The following RBM28 variants were observed in gnomAD, a reference collection of about 807,000 sequenced individuals.
The protein encoded by RBM28 is RNA-binding protein 28.
Under a neutral mutation model 98.3 loss-of-function variants are expected in RBM28, and 78 were observed. The ratio of observed to expected loss-of-function variants is 0.79; its 90% CI spans 0.66 to 0.96. RBM28 has a LOEUF of 0.96. Ranked by LOEUF, RBM28 falls within the 40% of genes least tolerant of loss-of-function variation. The pLI, the probability that RBM28 is intolerant of heterozygous loss-of-function variation, is 0.00. For synonymous variants in RBM28, 306 were observed against 330.9 expected (o/e 0.92, Z 0.82); for missense variants, 838 against 913.0 (o/e 0.92, Z 1.06).
chr7:128,332,459 T>C (rs1274725447), intron 9 of RBM28, among the ~76,000 whole-genome samples: 1 of 152,054 alleles, frequency 6.6e-6, no homozygotes, highest in Non-Finnish European at 1.5e-5. Flanking sequence ...TTTTAAGTGA[T>C]TCTCGTGCCT....
chr7:128,312,188 G>A (rs1442075519), intron 18 of RBM28, among the ~76,000 whole-genome samples: 1 of 152,180 alleles, frequency 6.6e-6, no homozygotes, highest in Admixed American at 6.5e-5. Context: ...GGAGGCCGAG[G>A]CAGGCGAATC....
At position 128,339,703 on chromosome 7, in the gene RBM28, T is replaced by C. The variant is rs1179930797; in HGVS notation, c.207A>G (p.Glu69=). Residue 69 remains glutamate, a synonymous_variant, in exon 2 of 19, where the codon GAA becomes GAG. Transcript: ENST00000223073. ...QRALKEITTF[E]GCKINVTVAK... is the part of the protein sequence containing the mutation. ...CAACAGTCACGTTGATCTTGCAACC[T>C]TCAAAGGTGGTAATCTCCTTGAGGG... The C allele has an allele frequency of 1.9e-6, 3 of 1,613,938 alleles. No homozygotes were observed. In the African/African-American group the frequency reaches 4.0e-5, roughly 22 times the overall value.
rs572199766 is a variant in RBM28 at position 128,301,955 on chromosome 7, CA to C, written c.*8841del. ...CTGAAAATGCAAGAGGTGCTTGGAG[CA>C]AACAGGGAGTGTCCTGTCACTGAAG... is the stretch of plus-strand genomic sequence containing the variant. On this transcript the variant is annotated 3_prime_UTR_variant, in exon 19 of 19. Coordinates refer to ENST00000223073, the MANE Select transcript of RBM28 (RefSeq NM_018077.3). The C allele has an allele frequency of 6.7e-4, 102 of 152,322 alleles. No individual in the cohort carries two copies. Among genetic ancestry groups the C allele is most frequent in the African/African-American group, 2.3e-3 (95 of 41,576 alleles). The allele number at this position is 152,322 out of a possible 1,614,324, so 9.4% of individuals were successfully genotyped here. A position where few individuals can be genotyped will look rare whatever the true frequency, so the allele number is the denominator to read the frequency against.
chr7:128,339,434 G>A (rs1037992729), intron 2 of RBM28, 113 bp from the exon 3 acceptor site: 7 of 1,141,250 alleles, frequency 6.1e-6, no homozygotes, highest in African/African-American at 4.7e-5. Flanking sequence ...AGGGTTAAGT[G>A]TGGCAATAAT....
intron 15 of RBM28, 98 bp from the exon 16 acceptor site, chr7:128,317,831 T>A: frequency 6.8e-7 from 1 of 1,477,150 alleles, no homozygotes; most frequent in South Asian, 1.1e-5. Context: ...CCAACCCACC[T>A]TTTTTTTGTC....
At chr7:128,316,198 G>A (rs1297633101) in intron 16 of RBM28, among the ~76,000 whole-genome samples, 2 of 152,150 alleles carry the variant, frequency 1.3e-5, no homozygotes, top group Non-Finnish European at 2.9e-5. Flanking sequence ...GGAGATAAGA[G>A]ATGCATTCAC....
intron 1 of RBM28, among the ~76,000 whole-genome samples, chr7:128,343,396 C>T (rs549003985): frequency 6.6e-6 from 1 of 152,326 alleles, no homozygotes; most frequent in East Asian, 1.9e-4. Context: ...ACCTGCCAAT[C>T]AGGTGACTCT....
Position 128,330,891 on chromosome 7 carries a change from C to G in RBM28, c.1057G>C (p.Glu353Gln). 6.2e-7 allele frequency: 1 copy of G among 1,614,020 alleles called. No individual in the cohort carries two copies. Among genetic ancestry groups the G allele is most frequent in the South Asian group, 1.1e-5 (1 of 91,072 alleles). The change falls in exon 10 of 19, where the codon GAG becomes CAG. Residue 353 changes from glutamate to glutamine, a missense_variant. Physicochemically the swap from Glu to Gln is conservative, Grantham distance 29. Transcript: ENST00000223073. Reference protein sequence around the residue: ...SFDSEEEELGELLQQFGELKY... With the variant: ...SFDSEEEELGQLLQQFGELKY... ...AGTTCTCCAAACTGTTGGAGAAGCT[C>G]CCCAAGTTCTTCTTCTTCTGAGTCA... is the stretch of plus-strand genomic sequence containing the variant.
At chr7:128,334,856 G>T (rs193243899) in intron 8 of RBM28, among the ~76,000 whole-genome samples, 82 of 152,232 alleles carry the variant, frequency 5.4e-4, no homozygotes, top group Admixed American at 4.7e-3. Context: ...AATCTGATAG[G>T]ATTGCTGTGC....
intron 10 of RBM28, among the ~76,000 whole-genome samples, chr7:128,327,321 T>C (rs1796375240): frequency 6.6e-6 from 1 of 152,122 alleles, no homozygotes; most frequent in South Asian, 2.1e-4. Flanking sequence ...GCATCAGATA[T>C]GGGCAGATCT....
intron 2 of RBM28, 76 bp downstream of exon 2, chr7:128,339,557 A>T: frequency 6.6e-7 from 1 of 1,516,948 alleles, no homozygotes; most frequent in Non-Finnish European, 9.2e-7. Context: ...AGCTACCTCC[A>T]TGCCTCCCTC....
rs1562956203 is a variant in RBM28 at position 128,330,897 on chromosome 7, G to A, written c.1051C>T (p.Leu351Phe). The part of the protein sequence containing the change: ...NLSFDSEEEE[L>F]GELLQQFGEL... The stretch of plus-strand genomic sequence containing the variant: ...CCAAACTGTTGGAGAAGCTCCCCAA[G>A]TTCTTCTTCTTCTGAGTCAAAGGAC... The change falls in exon 10 of 19, where the codon CTT becomes TTT. Residue 351 changes from leucine to phenylalanine, a missense_variant. By Grantham distance (22) the Leu-to-Phe change is conservative (BLOSUM62 0). Transcript: ENST00000223073. 1 of 1,613,956 alleles carries A rather than the reference G, an allele frequency of 6.2e-7. No homozygotes were observed. The highest frequency in any genetic ancestry group is 8.5e-7 in the Non-Finnish European group (1 of 1,179,870).
At chr7:128,334,320 C>T (rs933364143) in intron 8 of RBM28, among the ~76,000 whole-genome samples, 8 of 152,152 alleles carry the variant, frequency 5.3e-5, no homozygotes, top group South Asian at 4.1e-4. Context: ...TGTGTTTTAA[C>T]TTTTTATCAT....
At chr7:128,338,947 T>TA in intron 3 of RBM28, 146 bp from the exon 4 acceptor site, 2 of 754,054 alleles carry the variant, frequency 2.7e-6, no homozygotes, top group Non-Finnish European at 4.5e-6. Flanking sequence ...TGTTTCTAAA[T>TA]AGAAGACATT....
At chr7:128,341,334 A>G in intron 1 of RBM28, 1 of 383,726 alleles carries the variant, frequency 2.6e-6, no homozygotes, top group South Asian at 2.4e-5. Flanking sequence ...CTTCATGATC[A>G]GTACAACCAA....
chr7:128,341,321 G>T, intron 1 of RBM28: 1 of 493,558 alleles, frequency 2.0e-6, no homozygotes, highest in Non-Finnish European at 3.4e-6. Flanking sequence ...AAAATTCATA[G>T]CCCTTCATGA....
At chr7:128,336,096 A>AC in intron 6 of RBM28, 54 bp from the exon 7 acceptor site, 1 of 1,506,114 alleles carries the variant, frequency 6.6e-7, no homozygotes, top group African/African-American at 1.4e-5. Flanking sequence ...AAACAATGTT[A>AC]TTTTAACAAA....
rs759685568 is a variant in RBM28, at chr7:128,317,983, T to G, written c.1687A>C (p.Asn563His). 3 of 1,614,174 alleles carry G rather than the reference T, an allele frequency of 1.9e-6. No individual in the cohort carries two copies. In the South Asian group the frequency reaches 3.3e-5, roughly 18 times the overall value. ...TTCAGAGGCCCAAAGATTTCTGGAT[T>G]GTTGTTGATGAGGCGGAGGGCTTTC... ...ALKALRLINN[N>H]PEIFGPLKRP... is the part of the protein sequence containing the mutation. The change falls in exon 15 of 19, where the codon AAT becomes CAT. Residue 563 changes from asparagine to histidine, a missense_variant. Physicochemically the swap from Asn to His is moderately conservative, Grantham distance 68. Transcript: ENST00000223073.
intron 13 of RBM28, among the ~76,000 whole-genome samples, chr7:128,323,273 C>T (rs1057349903): frequency 1.4e-4 from 21 of 152,200 alleles, no homozygotes; most frequent in African/African-American, 4.6e-4. Context: ...GTTCAGCAAA[C>T]ATTTACTGCC....
Sources: allele counts gnomAD v4.1 joint callset (sites outside exome capture counted in the v4.1 genomes callset), GRCh38; gene constraint gnomAD v4.1.1; transcripts MANE v1.5; gene names NCBI Gene and HGNC (gene_info 2026-07-23, HGNC 2026-07-21).